Variants in SND1 observed in about 807,000 individuals in gnomAD.
SND1 encodes the protein staphylococcal nuclease and tudor domain containing 1.
SND1 carries 38 observed loss-of-function variants against 121.7 expected under a neutral mutation model. The ratio of observed to expected loss-of-function variants is 0.31; its 90% CI spans 0.24 to 0.41. The LOEUF (loss-of-function observed/expected upper bound fraction) is 0.41, where lower values mean the gene tolerates loss of function less well. Ranked by LOEUF, SND1 falls within the 10% of genes least tolerant of loss-of-function variation. The probability of loss-of-function intolerance (pLI) is 1.00; values close to 1 mark genes in which losing one functional copy is unlikely to be tolerated. For missense variants in SND1, 868 were observed against 1,184.6 expected (o/e 0.73, Z 3.92); for synonymous variants, 401 against 447.4 (o/e 0.90, Z 1.31).
intron 11 of SND1, among the ~76,000 whole-genome samples, chr7:127,828,878 A>C (rs1798689723): frequency 6.6e-6 from 1 of 152,150 alleles, no homozygotes; most frequent in South Asian, 2.1e-4. Flanking sequence ...CATGGAGCAG[A>C]GCTCCCTGGG....
chr7:127,811,351 G>A (rs1798331741), intron 11 of SND1, among the ~76,000 whole-genome samples: 1 of 152,116 alleles, frequency 6.6e-6, no homozygotes, highest in African/African-American at 2.4e-5. Context: ...GTGTGGAGAT[G>A]GAAATGATCT....
intron 14 of SND1, among the ~76,000 whole-genome samples, chr7:127,926,539 T>C (rs964792862): frequency 7.0e-6 from 1 of 142,748 alleles, no homozygotes; most frequent in Non-Finnish European, 1.5e-5. Flanking sequence ...ATGCCTTTGA[T>C]TTTCTTTTTC....
chr7:127,743,341 C>A (rs1340697497), intron 10 of SND1, among the ~76,000 whole-genome samples: 2 of 152,226 alleles, frequency 1.3e-5, no homozygotes, highest in African/African-American at 4.8e-5. Flanking sequence ...CTTTCTTTGC[C>A]TCTTACCTAG....
chr7:128,027,775 A>G (rs1803520183), intron 16 of SND1: 1 of 152,216 alleles, frequency 6.6e-6, no homozygotes, highest in Admixed American at 6.5e-5. Flanking sequence ...GCCTCCTGTG[A>G]ATACATTCTC....
chr7:128,000,259 A>G (rs1214850368), intron 16 of SND1, among the ~76,000 whole-genome samples: 1 of 152,098 alleles, frequency 6.6e-6, no homozygotes, highest in Admixed American at 6.5e-5. Context: ...CAAACTAAAG[A>G]TGACCTCACA....
At chr7:127,688,042 G>A (rs1440610701) in intron 2 of SND1, among the ~76,000 whole-genome samples, 1 of 152,062 alleles carries the variant, frequency 6.6e-6, no homozygotes, top group Non-Finnish European at 1.5e-5. Flanking sequence ...TAAATCCCAT[G>A]AAATTGCAAA....
rs536376948 is a variant in SND1 at position 127,992,769 on chromosome 7, T to C, written c.1779+1713T>C. Among the ~76,000 whole-genome samples the C allele has an allele frequency of 2.0e-5, 3 of 152,300 alleles. No individual in the cohort carries two copies. In the East Asian group the frequency reaches 5.8e-4, roughly 29 times the overall value. On this transcript the variant is annotated intron_variant, in intron 16 of 23. Coordinates refer to ENST00000354725, the MANE Select transcript of SND1 (RefSeq NM_014390.4). ...CTGGCCCACTGATGAGATCCAAAAG[T>C]ACAAGGGGATCAAAGAGAATACTGA...
At chr7:128,002,184 A>G (rs575627066) in intron 16 of SND1, among the ~76,000 whole-genome samples, 100 of 152,372 alleles carry the variant, frequency 6.6e-4, no homozygotes, top group South Asian at 1.2e-3. Flanking sequence ...AGACATTGCC[A>G]GTCAGTCACC....
chr7:127,982,176 A>T (rs188774425), intron 15 of SND1, among the ~76,000 whole-genome samples: 2 of 152,344 alleles, frequency 1.3e-5, no homozygotes, highest in Non-Finnish European at 1.5e-5. Context: ...CTGTCTGTAG[A>T]TGCTTCTCTT....
At chr7:127,938,939 G>A (rs1801123609) in intron 15 of SND1, among the ~76,000 whole-genome samples, 1 of 152,162 alleles carries the variant, frequency 6.6e-6, no homozygotes, top group African/African-American at 2.4e-5. Flanking sequence ...AGAAATGGAT[G>A]ATACAGTTCC....
intron 11 of SND1, among the ~76,000 whole-genome samples, chr7:127,819,053 A>G (rs371883566): frequency 3.2e-4 from 48 of 152,346 alleles, no homozygotes; most frequent in Middle Eastern, 3.4e-3. Flanking sequence ...TAAAATGGAC[A>G]TCATGTTTGA....
intron 15 of SND1, among the ~76,000 whole-genome samples, chr7:127,972,526 G>A (rs1446826896): frequency 1.3e-5 from 2 of 152,152 alleles, no homozygotes; most frequent in South Asian, 2.1e-4. Context: ...TGAAGTGCTG[G>A]GATTACAGGT....
At chr7:127,984,405 G>C (rs1802338714) in intron 15 of SND1, among the ~76,000 whole-genome samples, 1 of 152,140 alleles carries the variant, frequency 6.6e-6, no homozygotes, top group African/African-American at 2.4e-5. Flanking sequence ...TGGGAAAGTG[G>C]GATGTATGTA....
rs879141553 is a variant in SND1, at chr7:128,027,738, G to A, written c.1779+36682G>A. ...ATGTGTCAGAGTCCAGGAACAACAG[G>A]TGGACATGGCACAATGCTAATTTAT... On this transcript the variant is annotated intron_variant, in intron 16 of 23. Transcript: ENST00000354725. 3.3e-5 allele frequency: 5 copies of A among 152,298 alleles called. No individual in the cohort carries two copies. In the East Asian group the frequency reaches 9.6e-4, roughly 29 times the overall value. The allele number at this position is 152,298 out of a possible 1,614,324, so 9.4% of individuals were successfully genotyped here. A position where few individuals can be genotyped will look rare whatever the true frequency, so the allele number is the denominator to read the frequency against.
chr7:127,703,157 T>C lies in SND1; in HGVS notation c.682-8T>C. 1 of 1,614,118 alleles carries C rather than the reference T, an allele frequency of 6.2e-7. No homozygotes were observed. The highest frequency in any genetic ancestry group is 8.5e-7 in the Non-Finnish European group (1 of 1,179,964). ...CTGCATTACTCACCTACCTTGCCTT[T>C]GCTTTAGTGCCCAACTTTTCGACGG... On this transcript the variant is annotated splice_region_variant and splice_polypyrimidine_tract_variant and intron_variant, in intron 6 of 23. Transcript: ENST00000354725.
chr7:127,931,147 G>A (rs1403169540), intron 15 of SND1, among the ~76,000 whole-genome samples: 1 of 152,168 alleles, frequency 6.6e-6, no homozygotes, highest in African/African-American at 2.4e-5. Context: ...TTGGTGCAGT[G>A]GTGCATGCCT....
At chr7:127,857,359 A>AT (rs34235946) in intron 12 of SND1, among the ~76,000 whole-genome samples, 29 of 113,128 alleles carry the variant, frequency 2.6e-4, no homozygotes, top group Admixed American at 3.7e-4. Flanking sequence ...CCCCCGGCTA[A>AT]TTTTTTTTTT....
chr7:127,810,396 C>G (rs1798315110), intron 11 of SND1, among the ~76,000 whole-genome samples: 1 of 152,206 alleles, frequency 6.6e-6, no homozygotes. Flanking sequence ...AATTGCCATA[C>G]TGCCTAGTAG....
intron 15 of SND1, among the ~76,000 whole-genome samples, chr7:127,932,763 A>G (rs1277556202): frequency 1.3e-5 from 2 of 152,216 alleles, no homozygotes; most frequent in Non-Finnish European, 2.9e-5. Context: ...AGCAGCAAAA[A>G]GATTATGACG....
Sources: allele counts gnomAD v4.1 joint callset (sites outside exome capture counted in the v4.1 genomes callset), GRCh38; gene constraint gnomAD v4.1.1; transcripts MANE v1.5; gene names NCBI Gene and HGNC (gene_info 2026-07-23, HGNC 2026-07-21).